BLNK: variants seen among roughly 807,000 people sequenced by gnomAD.
The protein encoded by BLNK is B cell linker.
Under a neutral mutation model 73.5 loss-of-function variants are expected in BLNK, and 29 were observed. The ratio of observed to expected loss-of-function variants is 0.39; its 90% confidence interval spans 0.29 to 0.54. The LOEUF is 0.54. Among genes scored for constraint, BLNK ranks in the 20% least tolerant of loss-of-function variants. The pLI is 0.61. For synonymous variants in BLNK, 176 were observed against 200.8 expected (o/e 0.88, Z 1.04); for missense variants, 460 against 562.8 (o/e 0.82, Z 1.85).
intron 6 of BLNK, among the ~76,000 whole-genome samples, chr10:96,221,902 G>A (rs1311300104): frequency 1.3e-5 from 2 of 152,096 alleles, no homozygotes; most frequent in Non-Finnish European, 2.9e-5. Context: ...ATGCATTGTG[G>A]GAGCTATGAC....
chr10:96,201,138 T>C, intron 13 of BLNK, 80 bp from the exon 14 acceptor site: 1 of 1,282,880 alleles, frequency 7.8e-7, no homozygotes, highest in Admixed American at 1.7e-5. Flanking sequence ...AACACTGTAC[T>C]AGGTGCTGCC....
intron 4 of BLNK, among the ~76,000 whole-genome samples, 193 bp from the exon 5 acceptor site, chr10:96,227,759 C>A (rs1233002158): frequency 1.3e-5 from 2 of 152,190 alleles, no homozygotes; most frequent in African/African-American, 4.8e-5. Flanking sequence ...CAAAGTTTAT[C>A]GTCTCCACCA....
intron 3 of BLNK, among the ~76,000 whole-genome samples, chr10:96,232,758 C>A (rs1383411845): frequency 6.6e-6 from 1 of 152,038 alleles, no homozygotes; most frequent in Non-Finnish European, 1.5e-5. Context: ...TGAATAAATC[C>A]TCTTCCCAAT....
chr10:96,207,584 C>A (rs587611034), intron 10 of BLNK, among the ~76,000 whole-genome samples: 2 of 152,336 alleles, frequency 1.3e-5, no homozygotes, highest in Admixed American at 1.3e-4. Flanking sequence ...TGGACACAGA[C>A]GCTTCCTGTG....
At position 96,189,293 on chromosome 10, in the gene BLNK, C is replaced by A. The variant is rs1312847621; in HGVS notation, c.*2680G>T. 2.2e-6 allele frequency: 1 copy of A among 449,324 alleles called. No individual in the cohort carries two copies. The highest frequency in any genetic ancestry group is 3.0e-5 in the Admixed American group (1 of 33,290). The allele number at this position is 449,324 out of a possible 1,614,324, so 27.8% of individuals were successfully genotyped here. The stretch of plus-strand genomic sequence containing the variant: ...TCACTCTGCATTATAGAAAGGACAG[C>A]CAGATATTGACTGTTAGAGAAATGA... On this transcript the variant is annotated 3_prime_UTR_variant, in exon 17 of 17. Coordinates refer to ENST00000224337, the MANE Select transcript of BLNK (RefSeq NM_013314.4).
chr10:96,242,102 C>T (rs1277495980), intron 3 of BLNK, among the ~76,000 whole-genome samples: 1 of 152,146 alleles, frequency 6.6e-6, no homozygotes, highest in African/African-American at 2.4e-5. Context: ...CCCATAATTC[C>T]CACATGCTGT....
rs587722845 is a variant in BLNK at position 96,214,904 on chromosome 10, A to T, written c.676+417T>A. Among the ~76,000 whole-genome samples the T allele has an allele frequency of 1.9e-4, 29 of 152,230 alleles. 2 individuals carry two copies. In the South Asian group the frequency reaches 6.0e-3, roughly 32 times the overall value. On this transcript the variant is annotated intron_variant, in intron 8 of 16. Coordinates refer to ENST00000224337, the MANE Select transcript of BLNK (RefSeq NM_013314.4). ...AGAAAAGAAAATCTGATGCTTGGAGAGGTGAAGTACAAGCCCAAGGTGGCA... is the reference window on the plus strand; with the variant it reads ...AGAAAAGAAAATCTGATGCTTGGAGTGGTGAAGTACAAGCCCAAGGTGGCA...
chr10:96,247,129 C>CA, intron 1 of BLNK, 80 bp from the exon 2 acceptor site: 3 of 981,674 alleles, frequency 3.1e-6, no homozygotes, highest in Non-Finnish European at 4.6e-6. Flanking sequence ...TTCTCGAATA[C>CA]AAAAAAGGGG....
Position 96,215,374 on chromosome 10 carries a change from C to T in BLNK, c.623G>A (p.Arg208Lys). Residue 208 changes from arginine (R) to lysine (K), a missense_variant, in exon 8 of 17, where the codon AGA becomes AAA. Physicochemically the swap from Arg to Lys is conservative, Grantham distance 26. Transcript: ENST00000224337. The part of the protein sequence containing the change: ...PPPEKAPMVN[R>K]STKPNSSTPA... ...CGTTGAGGAATTTGGCTTGGTTGAT[C>T]TATTCACCATGGGAGCTTAAACACA... The T allele has an allele frequency of 6.2e-7, 1 of 1,613,250 alleles. No individual in the cohort carries two copies. Among genetic ancestry groups the T allele is most frequent in the Non-Finnish European group, 8.5e-7 (1 of 1,179,762 alleles).
chr10:96,227,407 C>T lies in BLNK; in HGVS notation c.361+3G>A. On this transcript the variant is annotated splice_donor_region_variant and intron_variant, in intron 5 of 16. Transcript: ENST00000224337. ...GAGTGCCCAGGTCTGCGGGGGACCT[C>T]ACCTATATACTCGCCTCTGGCGAAG... 6.2e-7 allele frequency: 1 copy of T among 1,613,604 alleles called. No homozygotes were observed. Among genetic ancestry groups the T allele is most frequent in the Admixed American group, 1.7e-5 (1 of 60,030 alleles).
Position 96,191,369 on chromosome 10 carries a change from A to G in BLNK, c.*604T>C, listed in dbSNP as rs1554893384. Among the ~76,000 whole-genome samples the G allele has an allele frequency of 6.6e-6, 1 of 151,858 alleles. No homozygotes were observed. The highest frequency in any genetic ancestry group is 2.4e-5 in the African/African-American group (1 of 41,324). ...TAGACATGTAGATCAAAGAGGGTAT[A>G]ATTATCTTTAGTAAGCAAAACTAAC... On this transcript the variant is annotated 3_prime_UTR_variant, in exon 17 of 17. Transcript: ENST00000224337.
At chr10:96,266,311 C>G (rs1554914261) in intron 1 of BLNK, among the ~76,000 whole-genome samples, 1 of 152,128 alleles carries the variant, frequency 6.6e-6, no homozygotes, top group East Asian at 1.9e-4. Context: ...TCCTTGGAAA[C>G]CTAATCAATT....
At chr10:96,227,658 G>T in intron 4 of BLNK, 92 bp from the exon 5 acceptor site, 1 of 1,585,156 alleles carries the variant, frequency 6.3e-7, no homozygotes, top group Non-Finnish European at 8.6e-7. Context: ...CCAGAGCAGT[G>T]ACAGGAGACA....
chr10:96,240,955 T>C (rs587682288), intron 3 of BLNK, among the ~76,000 whole-genome samples: 5 of 152,338 alleles, frequency 3.3e-5, no homozygotes, highest in Admixed American at 3.3e-4. Context: ...GACTTATTGA[T>C]TAGGTAGATA....
At chr10:96,227,709 A>G (rs1842328034) in intron 4 of BLNK, 143 bp from the exon 5 acceptor site, 13 of 1,284,514 alleles carry the variant, frequency 1.0e-5, no homozygotes, top group Non-Finnish European at 1.4e-5. Flanking sequence ...GGCAGCCGAT[A>G]AGAGGCAAAG....
In BLNK at chr10:96,215,388, A is replaced by G. The variant is rs1367690794; in HGVS notation, c.609T>C (p.Ala203=). 2 of 1,610,452 alleles carry G rather than the reference A, an allele frequency of 1.2e-6. No homozygotes were observed. The highest frequency in any genetic ancestry group is 1.7e-6 in the Non-Finnish European group (2 of 1,178,922). The change falls in exon 8 of 17, where the codon GCT becomes GCC. Residue 203 remains alanine, a splice_region_variant and synonymous_variant. Transcript: ENST00000224337. ...GCTTGGTTGATCTATTCACCATGGG[A>G]GCTTAAACACAGAAATGTGTGTGTA... ...TESSSPPPEK[A]PMVNRSTKPN... is the part of the protein sequence containing the mutation.
rs1554896029 is a variant in BLNK, at chr10:96,201,077, G to A, written c.935-19C>T. 1 of 1,601,964 alleles carries A rather than the reference G, an allele frequency of 6.2e-7. No homozygotes were observed. Among genetic ancestry groups the A allele is most frequent in the Non-Finnish European group, 8.6e-7 (1 of 1,168,968 alleles). On this transcript the variant is annotated intron_variant, in intron 13 of 16. Coordinates refer to ENST00000224337, the MANE Select transcript of BLNK (RefSeq NM_013314.4). ...GTAAATCCTGAAAGGGATCAGAAAAGTCCTTCAATTAATCTTCATATTTCT... is the reference window on the plus strand; with the variant it reads ...GTAAATCCTGAAAGGGATCAGAAAAATCCTTCAATTAATCTTCATATTTCT...
intron 5 of BLNK, among the ~76,000 whole-genome samples, chr10:96,225,212 A>G (rs894531979): frequency 9.2e-5 from 14 of 152,172 alleles, no homozygotes; most frequent in African/African-American, 3.4e-4. Flanking sequence ...GTTTTAGGAA[A>G]ATCTTGGCAT....
intron 9 of BLNK, among the ~76,000 whole-genome samples, chr10:96,209,243 CA>C (rs1350283874): frequency 6.6e-6 from 1 of 152,074 alleles, no homozygotes; most frequent in Non-Finnish European, 1.5e-5. Context: ...TAAGTAAAGA[CA>C]AAACCTGCTA....
Sources: gnomAD v4.1 joint callset for allele counts (sites outside exome capture counted in the v4.1 genomes callset) on GRCh38, gnomAD v4.1.1 for gene constraint, MANE v1.5 for transcripts, NCBI Gene and HGNC (gene_info 2026-07-23, HGNC 2026-07-21) for gene names.